PRR14L: variants seen among roughly 807,000 people sequenced by gnomAD.
PRR14L encodes proline rich 14 like.
In PRR14L, 80 loss-of-function variants were observed where a neutral mutation model predicts 155.0. The observed-to-expected ratio is 0.52, with a 90% confidence interval of 0.43 to 0.62. PRR14L has a LOEUF of 0.62. Ranked by LOEUF, PRR14L falls within the 20% of genes least tolerant of loss-of-function variation. The probability of loss-of-function intolerance (pLI) is 0.00; values close to 1 mark genes in which losing one functional copy is unlikely to be tolerated. For missense variants in PRR14L, 2,469 were observed against 2,548.0 expected (o/e 0.97, Z 0.67); for synonymous variants, 883 against 916.0 (o/e 0.96, Z 0.65).
intron 7 of PRR14L, 83 bp downstream of exon 7, chr22:31,701,573 T>G: frequency 1.3e-6 from 1 of 751,672 alleles, no homozygotes; most frequent in Non-Finnish European, 2.3e-6. Flanking sequence ...GCTCAGAGTG[T>G]AGGACCATTT....
chr22:31,716,902 G>A lies in PRR14L; in HGVS notation c.937C>T (p.Gln313Ter). The change falls in exon 4 of 9, where the codon CAA becomes TAA. Residue 313 changes from glutamine to a stop codon, truncating the protein, a stop_gained. Transcript: ENST00000327423. LOFTEE classifies it high-confidence loss of function. ...TCATTATGGTGGCCATGAAGCTGTTGGTGATTGTCATCTGCTTCACAGACC... is the reference window on the plus strand; with the variant it reads ...TCATTATGGTGGCCATGAAGCTGTTAGTGATTGTCATCTGCTTCACAGACC... ...NLVCEADDNH[Q>*]QLHGHHNEQP... The A allele has an allele frequency of 6.4e-7, 1 of 1,552,002 alleles. No homozygotes were observed. Among genetic ancestry groups the A allele is most frequent in the Non-Finnish European group, 8.7e-7 (1 of 1,147,058 alleles).
intron 7 of PRR14L, among the ~76,000 whole-genome samples, chr22:31,699,978 C>A (rs551904220): frequency 6.6e-6 from 1 of 151,782 alleles, no homozygotes; most frequent in East Asian, 1.9e-4. Flanking sequence ...AACCCCCTTT[C>A]TGTATATTGG....
chr22:31,725,940 A>AT, intron 2 of PRR14L, among the ~76,000 whole-genome samples: 1 of 152,120 alleles, frequency 6.6e-6, no homozygotes, highest in Admixed American at 6.6e-5. Flanking sequence ...AAGTGCTAGG[A>AT]TTACAGGCGT....
At position 31,716,925 on chromosome 22, in the gene PRR14L, ACCAGG is replaced by A. The variant is rs2074663666; in HGVS notation, c.909_913del (p.Val305Ter). The stretch of plus-strand genomic sequence containing the variant: ...TTGGTGATTGTCATCTGCTTCACAG[ACCAGG>A]TTTGGTTTACACAACTCTTCCTTCC... On this transcript the variant is annotated frameshift_variant, in exon 4 of 9. Coordinates refer to ENST00000327423, the MANE Select transcript of PRR14L (RefSeq NM_173566.3). LOFTEE classifies it high-confidence loss of function. 2 of 1,551,906 alleles carry A rather than the reference ACCAGG, an allele frequency of 1.3e-6. No individual in the cohort carries two copies. The highest frequency in any genetic ancestry group is 2.7e-5 in the African/African-American group (2 of 73,062).
intron 2 of PRR14L, among the ~76,000 whole-genome samples, chr22:31,728,585 C>A (rs2074730412): frequency 6.6e-6 from 1 of 150,876 alleles, no homozygotes; most frequent in Non-Finnish European, 1.5e-5. Context: ...TGCACTCCAG[C>A]CTGGGTGACA....
Position 31,713,728 on chromosome 22 carries a change from T to C in PRR14L, c.4111A>G (p.Asn1371Asp). The C allele has an allele frequency of 6.4e-7, 1 of 1,552,412 alleles. No individual in the cohort carries two copies. The highest frequency in any genetic ancestry group is 8.7e-7 in the Non-Finnish European group (1 of 1,147,152). ...RETGDGDPVS[N>D]ISQTHFKCRG... ...CATTTAAAATGGGTCTGAGAGATGT[T>C]GCTCACGGGATCGCCATCGCCAGTT... Residue 1371 changes from asparagine to aspartate, a missense_variant, in exon 4 of 9, where the codon AAC becomes GAC. Asn to Asp is a conservative substitution (Grantham distance 23). Coordinates refer to ENST00000327423, the MANE Select transcript of PRR14L (RefSeq NM_173566.3).
intron 2 of PRR14L, among the ~76,000 whole-genome samples, chr22:31,726,367 G>A (rs1056004184): frequency 6.6e-6 from 1 of 151,992 alleles, no homozygotes; most frequent in Non-Finnish European, 1.5e-5. Flanking sequence ...CTGACCTCAG[G>A]TGATCCACCT....
chr22:31,711,210 C>T (rs534432522), intron 4 of PRR14L, among the ~76,000 whole-genome samples: 1 of 152,108 alleles, frequency 6.6e-6, no homozygotes, highest in South Asian at 2.1e-4. Context: ...GTGGTGGCTA[C>T]CGCCTGTAAT....
chr22:31,748,959 A>T (rs1441569766), intron 1 of PRR14L, among the ~76,000 whole-genome samples: 3 of 152,182 alleles, frequency 2.0e-5, no homozygotes, highest in Admixed American at 6.6e-5. Flanking sequence ...CTTCCACTCC[A>T]GTGAGAAAGG....
intron 7 of PRR14L, among the ~76,000 whole-genome samples, chr22:31,696,119 A>C (rs2074533879): frequency 6.6e-6 from 1 of 151,032 alleles, no homozygotes; most frequent in South Asian, 2.1e-4. Context: ...CTCAATCTTT[A>C]ATTTCTATTT....
At chr22:31,709,284 G>A (rs911380856) in intron 4 of PRR14L, among the ~76,000 whole-genome samples, 21 of 144,584 alleles carry the variant, frequency 1.5e-4, no homozygotes, top group African/African-American at 4.4e-4. Flanking sequence ...ACAGAATCCC[G>A]CTCTGTTGCC....
At chr22:31,726,109 A>G (rs1383769645) in intron 2 of PRR14L, among the ~76,000 whole-genome samples, 1 of 152,052 alleles carries the variant, frequency 6.6e-6, no homozygotes, top group Non-Finnish European at 1.5e-5. Flanking sequence ...TTTGAGCCTG[A>G]AAACTTTTTA....
intron 7 of PRR14L, among the ~76,000 whole-genome samples, chr22:31,690,301 G>C (rs935810446): frequency 2.6e-5 from 4 of 151,984 alleles, no homozygotes; most frequent in African/African-American, 9.7e-5. Context: ...CACCCACCTC[G>C]GCCTCTGAAA....
Position 31,729,902 on chromosome 22 carries a change from G to C in PRR14L, c.475-4292C>G, listed in dbSNP as rs568295339. 2.1e-3 allele frequency among the ~76,000 whole-genome samples: 320 copies of C among 152,146 alleles called. 3 individuals carry two copies. The highest frequency in any genetic ancestry group is 7.5e-3 in the African/African-American group (310 of 41,540). ...AACTGCATATTTTTGGGCCGAGCAC[G>C]GTGGTTCACGCCTGTAATCCCAGCA... On this transcript the variant is annotated intron_variant, in intron 2 of 8. Coordinates refer to ENST00000327423, the MANE Select transcript of PRR14L (RefSeq NM_173566.3).
chr22:31,709,254 GTTT>G (rs538629760), intron 4 of PRR14L, among the ~76,000 whole-genome samples: 1 of 134,862 alleles, frequency 7.4e-6, no homozygotes, highest in African/African-American at 2.7e-5. Flanking sequence ...ATTTGTTGTT[GTTT>G]TTTTTTTTTT....
chr22:31,701,577 A>G (rs771492580), intron 7 of PRR14L, 79 bp downstream of exon 7: 10 of 783,392 alleles, frequency 1.3e-5, no homozygotes, highest in Non-Finnish European at 1.9e-5. Context: ...AGAGTGTAGG[A>G]CCATTTAAAG....
chr22:31,711,658 C>T (rs2074622828), intron 4 of PRR14L, among the ~76,000 whole-genome samples: 1 of 151,290 alleles, frequency 6.6e-6, no homozygotes, highest in Admixed American at 6.6e-5. Context: ...GTGGCGCATG[C>T]CTGTAATCCC....
chr22:31,691,606 A>G (rs1466645231), intron 7 of PRR14L, among the ~76,000 whole-genome samples: 1 of 152,194 alleles, frequency 6.6e-6, no homozygotes. Context: ...GGTAACCACT[A>G]AACTACTTTC....
intron 1 of PRR14L, among the ~76,000 whole-genome samples, chr22:31,745,684 A>G (rs1327263359): frequency 6.6e-6 from 1 of 151,584 alleles, no homozygotes; most frequent in Admixed American, 6.6e-5. Flanking sequence ...TATCTCTACT[A>G]AAAAATGCAA....
Sources: allele counts gnomAD v4.1 joint callset (sites outside exome capture counted in the v4.1 genomes callset), GRCh38; gene constraint gnomAD v4.1.1; transcripts MANE v1.5; gene names NCBI Gene and HGNC (gene_info 2026-07-23, HGNC 2026-07-21).